The following CXCR5 variants were observed in gnomAD, a reference collection of about 807,000 sequenced individuals.
CXCR5 encodes the protein C-X-C motif chemokine receptor 5, also known as C-X-C chemokine receptor type 5.
A neutral mutation model predicts 5.6 loss-of-function variants in CXCR5; 3 were observed. The observed-to-expected ratio is 0.54, with a 90% confidence interval of 0.24 to 1.39. The LOEUF (loss-of-function observed/expected upper bound fraction) is 1.39, where lower values mean the gene tolerates loss of function less well. Ranked by LOEUF, CXCR5 falls within the 40% of genes most tolerant of loss-of-function variation. CXCR5 has a pLI of 0.16. For synonymous variants in CXCR5, 218 were observed against 219.9 expected (o/e 0.99, Z 0.08); for missense variants, 333 against 494.6 (o/e 0.67, Z 3.10).
Position 118,883,940 on chromosome 11 carries a change from C to G in CXCR5, c.-2C>G, listed in dbSNP as rs10892307. 0.15 allele frequency: 242,074 copies of G among 1,609,822 alleles called. 18,964 individuals are homozygous for G. Among genetic ancestry groups the G allele is most frequent in the Middle Eastern group, 0.2 (1,227 of 6,056 alleles). ...GTCTGGTGACTCACAGCCGGCACAG[C>G]CATGAACTACCCGCTAACGCTGGAA... On this transcript the variant is annotated 5_prime_UTR_variant, in exon 1 of 2. Transcript: ENST00000292174.
chr11:118,888,347 C>G (rs1939752299), intron 1 of CXCR5, among the ~76,000 whole-genome samples: 1 of 152,152 alleles, frequency 6.6e-6, no homozygotes, highest in African/African-American at 2.4e-5. Flanking sequence ...AGCAAGAGTC[C>G]ATTGCTGCCC....
chr11:118,886,205 T>C (rs1030655072), intron 1 of CXCR5: 17 of 399,166 alleles, frequency 4.3e-5, no homozygotes, highest in African/African-American at 3.4e-4. Flanking sequence ...GGAGTTAGTC[T>C]GGGTCCTTCT....
At chr11:118,888,446 T>A (rs992642390) in intron 1 of CXCR5, among the ~76,000 whole-genome samples, 7 of 152,254 alleles carry the variant, frequency 4.6e-5, no homozygotes, top group African/African-American at 1.7e-4. Flanking sequence ...CCCTAGTACC[T>A]GAAAATTTCC....
chr11:118,886,453 A>C (rs1939712703), intron 1 of CXCR5: 1 of 423,870 alleles, frequency 2.4e-6, no homozygotes, highest in African/African-American at 2.1e-5. Flanking sequence ...AGCCGCTTAA[A>C]ATGTCCACTT....
rs778203874 is a variant in CXCR5 at position 118,894,856 on chromosome 11, G to A, written c.*193G>A. ...CTGCCAGCTCTTCTGCCGGCCCTGGGGCTAGGCTGGAGCCCAGGGAGCGGA... is the reference window on the plus strand; with the variant it reads ...CTGCCAGCTCTTCTGCCGGCCCTGGAGCTAGGCTGGAGCCCAGGGAGCGGA... On this transcript the variant is annotated 3_prime_UTR_variant, in exon 2 of 2. Transcript: ENST00000292174. This position sits in a 1 kb window ranked among gnomAD's most constrained non-coding sequence, Gnocchi z 6.1. 1.3e-4 allele frequency: 70 copies of A among 525,120 alleles called. No homozygotes were observed. The highest frequency in any genetic ancestry group is 2.1e-4 in the Non-Finnish European group (65 of 312,066). The allele number at this position is 525,120 out of a possible 1,614,324, so 32.5% of individuals were successfully genotyped here.
In CXCR5 at chr11:118,894,179, C is replaced by T. The variant is rs756510807; in HGVS notation, c.635C>T (p.Thr212Met). The T allele has an allele frequency of 3.3e-5, 53 of 1,613,970 alleles. No homozygotes were observed. The highest frequency in any genetic ancestry group is 4.1e-5 in the Non-Finnish European group (48 of 1,180,042). ...TTCTCCCAAGAGAACCAAGCAGAAA[C>T]GCATGCCTGGTTCACCTCCCGATTC... ...CTFSQENQAE[T>M]HAWFTSRFLY... Residue 212 changes from threonine (T) to methionine (M), a missense_variant, in exon 2 of 2, where the codon ACG becomes ATG. By Grantham distance (81) the Thr-to-Met change is moderately conservative. Transcript: ENST00000292174. This position sits in a 1 kb window ranked among gnomAD's most constrained non-coding sequence, Gnocchi z 6.1.
intron 1 of CXCR5, chr11:118,886,283 C>T (rs557194529): frequency 7.6e-5 from 33 of 434,020 alleles, no homozygotes; most frequent in African/African-American, 1.3e-4. Context: ...ATTCCTTGAA[C>T]GCTGGGTTTT....
rs1388681155 is a variant in CXCR5 at position 118,883,919 on chromosome 11, G to A, written c.-23G>A. ...CTCAACATAAGACAGTGACCAGTCT[G>A]GTGACTCACAGCCGGCACAGCCATG... On this transcript the variant is annotated 5_prime_UTR_variant, in exon 1 of 2. Coordinates refer to ENST00000292174, the MANE Select transcript of CXCR5 (RefSeq NM_001716.5). 10 of 1,608,344 alleles carry A rather than the reference G, an allele frequency of 6.2e-6. 1 individual carries two copies. In the South Asian group the frequency reaches 1.0e-4, roughly 16 times the overall value.
At chr11:118,887,327 G>A (rs1939728693) in intron 1 of CXCR5, 1 of 985,310 alleles carries the variant, frequency 1.0e-6, no homozygotes, top group African/African-American at 1.7e-5. Flanking sequence ...CCAGGAGATG[G>A]TTTCAAGAGG....
In CXCR5 at chr11:118,895,582, T is replaced by C. The variant is rs1016236559; in HGVS notation, c.*919T>C. The C allele has an allele frequency of 1.2e-5, 2 of 167,096 alleles. No individual in the cohort carries two copies. The highest frequency in any genetic ancestry group is 2.4e-5 in the African/African-American group (1 of 41,446). 10.4% of individuals were successfully genotyped at this position (167,096 alleles called of 1,614,324 possible). ...GGGGATGGGAGGTTGTGGGCATTGATGGGGAAGGAGGCTGGCTTGTCCCCT... is the reference window on the plus strand; with the variant it reads ...GGGGATGGGAGGTTGTGGGCATTGACGGGGAAGGAGGCTGGCTTGTCCCCT... On this transcript the variant is annotated 3_prime_UTR_variant, in exon 2 of 2. Coordinates refer to ENST00000292174, the MANE Select transcript of CXCR5 (RefSeq NM_001716.5). This position sits in a 1 kb window ranked among gnomAD's most constrained non-coding sequence, Gnocchi z 4.2.
Position 118,893,185 on chromosome 11 carries a change from C to T in CXCR5, c.52-411C>T, listed in dbSNP as rs1939839533. Reference sequence around the variant, plus strand: ...TAGTCCCCAGCACAATGCTAAGTTGCAGTGCCCGACTGTTCTGCTCAGAAC... The same window carrying T: ...TAGTCCCCAGCACAATGCTAAGTTGTAGTGCCCGACTGTTCTGCTCAGAAC... On this transcript the variant is annotated intron_variant, in intron 1 of 1. Transcript: ENST00000292174. This position sits in a 1 kb window ranked among gnomAD's most constrained non-coding sequence, Gnocchi z 5.7. Among the ~76,000 whole-genome samples the T allele has an allele frequency of 6.6e-6, 1 of 152,048 alleles. No homozygotes were observed. The highest frequency in any genetic ancestry group is 2.4e-5 in the African/African-American group (1 of 41,412).
chr11:118,884,087 T>C, intron 1 of CXCR5, 95 bp downstream of exon 1: 1 of 1,231,718 alleles, frequency 8.1e-7, no homozygotes, highest in Non-Finnish European at 1.2e-6. Flanking sequence ...AGTGTGGGAA[T>C]CCTCTCCCAC....
chr11:118,894,722 T>G lies in CXCR5; in HGVS notation c.*59T>G. The G allele has an allele frequency of 6.8e-7, 1 of 1,463,458 alleles. No individual in the cohort carries two copies. Among genetic ancestry groups the G allele is most frequent in the Non-Finnish European group, 9.1e-7 (1 of 1,098,078 alleles). The allele number at this position is 1,463,458 out of a possible 1,614,324, so 90.7% of individuals were successfully genotyped here. A position where few individuals can be genotyped will look rare whatever the true frequency, so the allele number is the denominator to read the frequency against. On this transcript the variant is annotated 3_prime_UTR_variant, in exon 2 of 2. Transcript: ENST00000292174. This position sits in a 1 kb window ranked among gnomAD's most constrained non-coding sequence, Gnocchi z 6.1. ...TGGGGCAGGCAGTGATGCTGGATGCTCCTTCCAACAGGAGCTGGGATCCTA... is the reference window on the plus strand; with the variant it reads ...TGGGGCAGGCAGTGATGCTGGATGCGCCTTCCAACAGGAGCTGGGATCCTA...
chr11:118,884,096 A>G, intron 1 of CXCR5, 104 bp downstream of exon 1: 1 of 1,138,342 alleles, frequency 8.8e-7, no homozygotes, highest in Non-Finnish European at 1.3e-6. Context: ...ATCCTCTCCC[A>G]CTGTGGATCT....
In CXCR5 at chr11:118,894,616, A is replaced by G; in HGVS notation, c.1072A>G (p.Ser358Gly). The stretch of plus-strand genomic sequence containing the variant: ...CCAGCTCTTCCCTAGCTGGCGCAGG[A>G]GCAGTCTCTCTGAGTCAGAGAATGC... ...LCQLFPSWRRSSLSESENATS... is the reference protein window; with the variant it reads ...LCQLFPSWRRGSLSESENATS... The change falls in exon 2 of 2, where the codon AGC (serine) becomes GGC (glycine). Residue 358 changes from serine (S) to glycine (G), a missense_variant. Transcript: ENST00000292174. The surrounding 1 kb of genome is among the most constrained non-coding windows in gnomAD (Gnocchi z 6.1). 1 of 1,519,742 alleles carries G rather than the reference A, an allele frequency of 6.6e-7. No homozygotes were observed. The highest frequency in any genetic ancestry group is 8.8e-7 in the Non-Finnish European group (1 of 1,134,212). The allele number at this position is 1,519,742 out of a possible 1,614,324, so 94.1% of individuals were successfully genotyped here. A position where few individuals can be genotyped will look rare whatever the true frequency, so the allele number is the denominator to read the frequency against.
intron 1 of CXCR5, among the ~76,000 whole-genome samples, chr11:118,890,757 C>T: frequency 6.6e-6 from 1 of 152,166 alleles, no homozygotes; most frequent in East Asian, 1.9e-4. Flanking sequence ...CCATTTTCTT[C>T]AATGAAAGCT....
At position 118,887,191 on chromosome 11, in the gene CXCR5, C is replaced by G. The variant is rs115324919; in HGVS notation, c.51+3199C>G. The G allele has an allele frequency of 1.2e-5, 12 of 962,884 alleles. No individual in the cohort carries two copies. The African/African-American group carries it at 2.1e-4, about 17-fold the overall frequency. The allele number at this position is 962,884 out of a possible 1,614,324, so 59.6% of individuals were successfully genotyped here. On this transcript the variant is annotated intron_variant, in intron 1 of 1. Coordinates refer to ENST00000292174, the MANE Select transcript of CXCR5 (RefSeq NM_001716.5). ...CAGGAACTCTTGCTTTCCCCAGGGA[C>G]GCAGGCTGCAGCTGATCCCACTCCT...
At chr11:118,886,347 G>GA (rs5795149) in intron 1 of CXCR5, 63,181 of 393,144 alleles carry the variant, frequency 0.16, 2,502 homozygotes, top group Admixed American at 0.24. Flanking sequence ...AAACTTGCCA[G>GA]AAAAAAAAAA....
At chr11:118,892,403 C>A (rs986311526) in intron 1 of CXCR5, among the ~76,000 whole-genome samples, 1 of 152,102 alleles carries the variant, frequency 6.6e-6, no homozygotes, top group Non-Finnish European at 1.5e-5. Flanking sequence ...TTAAGCCACC[C>A]GGAGCCTGGT....
Sources: allele counts gnomAD v4.1 joint callset (sites outside exome capture counted in the v4.1 genomes callset), GRCh38; gene constraint gnomAD v4.1.1; non-coding constraint Gnocchi (gnomAD v3.1); transcripts MANE v1.5; gene names NCBI Gene and HGNC (gene_info 2026-07-23, HGNC 2026-07-21).